The following GSE1 variants were observed in gnomAD, a reference collection of about 807,000 sequenced individuals.
The protein encoded by GSE1 is Gse1 coiled-coil protein, also known as genetic suppressor element 1.
Under a neutral mutation model 112.6 loss-of-function variants are expected in GSE1, and 32 were observed. That is an observed-to-expected ratio of 0.28 (90% CI 0.21 to 0.38). GSE1 has a LOEUF of 0.38. Among genes scored for constraint, GSE1 ranks in the 10% least tolerant of loss-of-function variants. The pLI is 1.00. For synonymous variants in GSE1, 1,115 were observed against 735.6 expected (o/e 1.52, Z -8.35); for missense variants, 2,348 against 1,699.2 (o/e 1.38, Z -6.71).
intron 1 of GSE1, among the ~76,000 whole-genome samples, chr16:85,252,965 G>T (rs972005340): frequency 1.1e-4 from 17 of 151,878 alleles, no homozygotes; most frequent in Non-Finnish European, 2.4e-4. Context: ...GGAAGTGGAA[G>T]CTGGGTGGGC....
intron 2 of GSE1, among the ~76,000 whole-genome samples, chr16:85,531,485 C>A (rs549464965): frequency 6.6e-6 from 1 of 152,102 alleles, no homozygotes; most frequent in Non-Finnish European, 1.5e-5. Context: ...GGAGCCCTCT[C>A]GGAGGGCCTC....
intron 1 of GSE1, among the ~76,000 whole-genome samples, chr16:85,328,814 C>A (rs1346241119): frequency 6.6e-6 from 1 of 151,824 alleles, no homozygotes; most frequent in Non-Finnish European, 1.5e-5. Context: ...CCGGGGCCTC[C>A]CCGCCCCGGG....
rs1374836018 is a variant in GSE1, at chr16:85,562,708, G to A, written c.37+6345G>A. On this transcript the variant is annotated intron_variant, in intron 1 of 2. Transcript: ENST00000635906. ...GTGTCGCTTGCCCATCTTCCTCCTG[G>A]ACATGGACACGTGTTGGGGGGAGCG... Among the ~76,000 whole-genome samples the A allele has an allele frequency of 2.0e-5, 3 of 152,218 alleles. No individual in the cohort carries two copies. In the East Asian group the frequency reaches 5.8e-4, roughly 29 times the overall value.
chr16:85,649,912 A>G (rs543583911), intron 3 of GSE1, among the ~76,000 whole-genome samples: 6 of 152,242 alleles, frequency 3.9e-5, no homozygotes, highest in African/African-American at 1.4e-4. Flanking sequence ...AGCCAGCCTC[A>G]GTCCACAGGT....
intron 2 of GSE1, among the ~76,000 whole-genome samples, chr16:85,642,809 C>A (rs1014798401): frequency 8.5e-5 from 13 of 152,164 alleles, no homozygotes; most frequent in African/African-American, 3.1e-4. Flanking sequence ...CCGAGCTCGG[C>A]TGGGGAGTCT....
intron 2 of GSE1, among the ~76,000 whole-genome samples, chr16:85,520,382 G>A (rs147638334): frequency 5.5e-3 from 844 of 152,162 alleles, no homozygotes; most frequent in South Asian, 0.012. Flanking sequence ...AGACCCCTGA[G>A]AGAAGACATG....
At chr16:85,551,049 G>A (rs1456099245), upstream of GSE1, among the ~76,000 whole-genome samples, 3 of 152,136 alleles carry the variant, frequency 2.0e-5, no homozygotes, top group Admixed American at 6.5e-5. Flanking sequence ...GGAGGTGCGG[G>A]GTGAGTTTGC....
At chr16:85,560,138 T>TC (rs1177688908) in intron 1 of GSE1, among the ~76,000 whole-genome samples, 1 of 140,652 alleles carries the variant, frequency 7.1e-6, no homozygotes, top group East Asian at 2.0e-4. Flanking sequence ...CTTTTTTTTT[T>TC]TTTTTTTTTT....
chr16:85,644,839 C>T (rs1398404764), intron 2 of GSE1, among the ~76,000 whole-genome samples: 1 of 124,450 alleles, frequency 8.0e-6, no homozygotes, highest in Non-Finnish European at 1.7e-5. Context: ...AACCCAAGAG[C>T]CATGGAGGTT....
intron 2 of GSE1, among the ~76,000 whole-genome samples, chr16:85,537,645 C>T (rs567992182): frequency 2.0e-5 from 3 of 152,342 alleles, no homozygotes; most frequent in South Asian, 2.1e-4. Flanking sequence ...CCTTCCGAGG[C>T]GCCTGGTTGG....
chr16:85,439,556 A>C (rs567357552), intron 2 of GSE1, among the ~76,000 whole-genome samples: 1 of 151,852 alleles, frequency 6.6e-6, no homozygotes, highest in East Asian at 1.9e-4. Flanking sequence ...ACACACACAC[A>C]CACCCCAGGC....
chr16:85,616,160 C>G (rs541242642), intron 1 of GSE1, among the ~76,000 whole-genome samples: 1 of 152,366 alleles, frequency 6.6e-6, no homozygotes, highest in African/African-American at 2.4e-5. Context: ...CACCTCTGAG[C>G]TAGAGATTCC....
intron 1 of GSE1, among the ~76,000 whole-genome samples, chr16:85,315,728 A>G (rs963727764): frequency 2.0e-5 from 3 of 152,220 alleles, no homozygotes; most frequent in African/African-American, 7.2e-5. Context: ...AGTCTATCCC[A>G]TGCAGTATTT....
At chr16:85,445,088 G>A (rs1285439220) in intron 2 of GSE1, among the ~76,000 whole-genome samples, 1 of 152,232 alleles carries the variant, frequency 6.6e-6, no homozygotes, top group Non-Finnish European at 1.5e-5. Context: ...ATCTTCCCTG[G>A]CTTTATCTTC....
intron 1 of GSE1, among the ~76,000 whole-genome samples, chr16:85,581,064 G>C (rs2046428015): frequency 6.6e-6 from 1 of 152,224 alleles, no homozygotes; most frequent in Non-Finnish European, 1.5e-5. Flanking sequence ...GAGGGACACT[G>C]GTGGTTGGCT....
chr16:85,520,244 C>G (rs983911518), intron 2 of GSE1, among the ~76,000 whole-genome samples: 1 of 151,942 alleles, frequency 6.6e-6, no homozygotes, highest in Admixed American at 6.6e-5. Context: ...GAGCTTAATC[C>G]CATCGTGAGG....
chr16:85,524,189 C>G (rs2052286890), intron 2 of GSE1, among the ~76,000 whole-genome samples: 1 of 152,162 alleles, frequency 6.6e-6, no homozygotes, highest in African/African-American at 2.4e-5. Context: ...CTGGCTCTCT[C>G]TGGCTGGCAG....
intron 2 of GSE1, among the ~76,000 whole-genome samples, chr16:85,402,194 C>A (rs575513251): frequency 2.0e-5 from 3 of 152,322 alleles, no homozygotes; most frequent in African/African-American, 7.2e-5. Flanking sequence ...TCCATAGGAA[C>A]CTTGCGGCCT....
intron 1 of GSE1, among the ~76,000 whole-genome samples, chr16:85,240,332 C>T (rs549263780): frequency 5.3e-5 from 8 of 152,224 alleles, no homozygotes; most frequent in Admixed American, 2.0e-4. Context: ...CTTCCCCAGC[C>T]GCACAGCCAC....
Sources: allele counts gnomAD v4.1 joint callset (sites outside exome capture counted in the v4.1 genomes callset), GRCh38; gene constraint gnomAD v4.1.1; transcripts MANE v1.5; gene names NCBI Gene and HGNC (gene_info 2026-07-23, HGNC 2026-07-21).